The following TMED3 variants were observed in gnomAD, a reference collection of about 807,000 sequenced individuals.
TMED3 encodes the protein transmembrane p24 trafficking protein 3, also known as transmembrane emp24 domain-containing protein 3.
TMED3 carries 9 observed loss-of-function variants against 15.0 expected under a neutral mutation model. The observed-to-expected ratio is 0.60, with a 90% confidence interval of 0.36 to 1.04. The LOEUF is 1.04. Ranked by LOEUF, TMED3 falls within the 50% of genes least tolerant of loss-of-function variation. The probability of loss-of-function intolerance (pLI) is 0.01; values close to 1 mark genes in which losing one functional copy is unlikely to be tolerated. For missense variants in TMED3, 267 were observed against 278.9 expected (o/e 0.96, Z 0.30); for synonymous variants, 117 against 121.4 (o/e 0.96, Z 0.24).
chr15:79,377,643 TC>T (rs770427766), intron 2 of TMED3, among the ~76,000 whole-genome samples: 1 of 148,392 alleles, frequency 6.7e-6, no homozygotes, highest in African/African-American at 2.5e-5. Flanking sequence ...AACAAACCGT[TC>T]TTTTTTTTTT....
chr15:79,400,523 C>A (rs79546854), intron 2 of TMED3, among the ~76,000 whole-genome samples: 2 of 152,166 alleles, frequency 1.3e-5, no homozygotes, highest in East Asian at 3.9e-4. Context: ...ATGAACAATG[C>A]GAAAATGATA....
intron 2 of TMED3, among the ~76,000 whole-genome samples, chr15:79,394,941 T>C (rs913768662): frequency 4.6e-5 from 7 of 152,348 alleles, no homozygotes; most frequent in Non-Finnish European, 5.9e-5. Context: ...TTTTATACTT[T>C]TGATACATGT....
intron 2 of TMED3, among the ~76,000 whole-genome samples, chr15:79,386,592 T>C (rs901984791): frequency 3.3e-5 from 5 of 151,932 alleles, no homozygotes; most frequent in Admixed American, 1.3e-4. Context: ...CAGGCTGGAG[T>C]GCAGTGGTGC....
chr15:79,380,993 A>G (rs1462965137), intron 2 of TMED3, among the ~76,000 whole-genome samples: 1 of 152,116 alleles, frequency 6.6e-6, no homozygotes, highest in African/African-American at 2.4e-5. Flanking sequence ...TTTTTTGTCC[A>G]AAAATGCCAT....
At chr15:79,366,468 A>G (rs1165109427) in intron 2 of TMED3, among the ~76,000 whole-genome samples, 1 of 152,248 alleles carries the variant, frequency 6.6e-6, no homozygotes, top group Non-Finnish European at 1.5e-5. Context: ...TAGAGAACCA[A>G]ACATCTCATG....
chr15:79,328,983 A>C (rs1178841233), intron 2 of TMED3, among the ~76,000 whole-genome samples: 1 of 152,178 alleles, frequency 6.6e-6, no homozygotes, highest in Non-Finnish European at 1.5e-5. Context: ...TAGCAGGTAG[A>C]TCAAAGCCCC....
At chr15:79,328,664 C>G (rs1314788106) in intron 2 of TMED3, among the ~76,000 whole-genome samples, 1 of 152,098 alleles carries the variant, frequency 6.6e-6, no homozygotes, top group Non-Finnish European at 1.5e-5. Context: ...CAGGTAGTGA[C>G]CTGGCAAGGT....
intron 2 of TMED3, among the ~76,000 whole-genome samples, chr15:79,357,495 T>G (rs1300770621): frequency 6.7e-6 from 1 of 148,300 alleles, no homozygotes; most frequent in Non-Finnish European, 1.5e-5. Flanking sequence ...AGCAAGCACA[T>G]TATTACATTA....
chr15:79,338,766 A>C (rs958669850), intron 2 of TMED3, among the ~76,000 whole-genome samples: 2 of 152,204 alleles, frequency 1.3e-5, no homozygotes, highest in Admixed American at 1.3e-4. Flanking sequence ...GCCTTCTGTT[A>C]TGCCCAGACA....
intron 2 of TMED3, among the ~76,000 whole-genome samples, chr15:79,375,688 G>GT (rs1359169711): frequency 6.6e-6 from 1 of 152,036 alleles, no homozygotes; most frequent in Non-Finnish European, 1.5e-5. Flanking sequence ...ACTTACTATC[G>GT]TAAGGACAGC....
intron 2 of TMED3, among the ~76,000 whole-genome samples, chr15:79,348,034 G>T (rs1204719226): frequency 6.6e-6 from 1 of 152,176 alleles, no homozygotes; most frequent in East Asian, 1.9e-4. Context: ...TAGATTGCTT[G>T]TGGGAAATTA....
intron 2 of TMED3, among the ~76,000 whole-genome samples, chr15:79,387,322 T>C (rs1280213090): frequency 6.6e-6 from 1 of 152,346 alleles, no homozygotes; most frequent in East Asian, 1.9e-4. Context: ...CCCCCTCTGC[T>C]TTGCAGTCTT....
intron 2 of TMED3, among the ~76,000 whole-genome samples, chr15:79,404,691 C>T (rs938271268): frequency 3.3e-5 from 5 of 152,192 alleles, no homozygotes; most frequent in African/African-American, 7.2e-5. Flanking sequence ...AAACATTTGC[C>T]GCTACCCAGA....
intron 2 of TMED3, among the ~76,000 whole-genome samples, chr15:79,400,891 G>A (rs964800338): frequency 2.6e-5 from 4 of 152,142 alleles, no homozygotes; most frequent in Non-Finnish European, 5.9e-5. Flanking sequence ...ATGAGAATGC[G>A]GCATACATTG....
chr15:79,380,621 T>G (rs1278533604), intron 2 of TMED3, among the ~76,000 whole-genome samples: 1 of 149,460 alleles, frequency 6.7e-6, no homozygotes, highest in Non-Finnish European at 1.5e-5. Context: ...AGGGTATATT[T>G]TCTGGGGCTC....
chr15:79,314,731 A>G (rs2058733421), intron 2 of TMED3: 4 of 297,992 alleles, frequency 1.3e-5, no homozygotes, highest in South Asian at 8.8e-5. Context: ...GCTCCACACT[A>G]TGGAGGAGAA....
chr15:79,323,202 C>G (rs1463170296), downstream of TMED3, among the ~76,000 whole-genome samples: 2 of 152,180 alleles, frequency 1.3e-5, no homozygotes, highest in Non-Finnish European at 2.9e-5. Context: ...GTCTCACTTG[C>G]CCTTAGTCCT....
At chr15:79,321,058 T>C (rs4778693) in intron 2 of TMED3, among the ~76,000 whole-genome samples, 151,091 of 152,330 alleles carry the variant, frequency 0.99, 74,948 homozygotes, top group East Asian at 1. Context: ...TCAAAGCCAG[T>C]GTGGCACATT....
chr15:79,313,643 A>T, intron 1 of TMED3, 114 bp from the exon 2 acceptor site: 4 of 1,390,380 alleles, frequency 2.9e-6, no homozygotes, highest in Non-Finnish European at 2.9e-6. Context: ...TGCCTTAGAA[A>T]GTTTTGAAGA....
Sources: gnomAD v4.1 joint callset for allele counts (sites outside exome capture counted in the v4.1 genomes callset) on GRCh38, gnomAD v4.1.1 for gene constraint, MANE v1.5 for transcripts, NCBI Gene and HGNC (gene_info 2026-07-23, HGNC 2026-07-21) for gene names.